The following FARP1 variants were observed in gnomAD, a reference collection of about 807,000 sequenced individuals.
FARP1 encodes FERM, ARHGEF and pleckstrin domain-containing protein 1.
In FARP1, 52 loss-of-function variants were observed where a neutral mutation model predicts 128.8. The observed-to-expected ratio is 0.40, with a 90% CI of 0.32 to 0.51. FARP1 has a LOEUF of 0.51. Ranked by LOEUF, FARP1 falls within the 20% of genes least tolerant of loss-of-function variation. FARP1 has a pLI of 0.45. For missense variants in FARP1, 1,333 were observed against 1,367.9 expected, an observed-to-expected ratio of 0.97 and a Z score of 0.40; for synonymous variants, 580 against 551.8, an observed-to-expected ratio of 1.05 and a Z score of -0.72.
intron 1 of FARP1, among the ~76,000 whole-genome samples, chr13:98,162,086 CTCTT>C (rs1233371853): frequency 6.6e-6 from 1 of 152,154 alleles, no homozygotes. Context: ...CTCTTCCTGT[CTCTT>C]TCTTTTATCA....
chr13:98,420,976 A>G (rs138301576), intron 16 of FARP1, among the ~76,000 whole-genome samples: 3 of 152,338 alleles, frequency 2.0e-5, no homozygotes, highest in Non-Finnish European at 4.4e-5. Flanking sequence ...TTTGGACCCA[A>G]GCAGGGCTGG....
intron 2 of FARP1, among the ~76,000 whole-genome samples, chr13:98,323,241 C>CA (rs1887079942): frequency 2.0e-5 from 3 of 152,124 alleles, no homozygotes; most frequent in African/African-American, 7.2e-5. Context: ...TTGTCATGCA[C>CA]ATATTTTATA....
intron 24 of FARP1, among the ~76,000 whole-genome samples, chr13:98,443,802 ACAGCAGGGAAGTTGTT>A (rs142735898): frequency 0.15 from 2,488 of 16,930 alleles, 57 homozygotes; most frequent in Middle Eastern, 0.21. Context: ...GCGAGACGGG[ACAGCAGGGAAGTTGTT>A]CAGCAGACAG....
Position 98,448,500 on chromosome 13 carries a change from G to C in FARP1, c.*183G>C, listed in dbSNP as rs898370983. 3.4e-6 allele frequency: 2 copies of C among 590,514 alleles called. No homozygotes were observed. The highest frequency in any genetic ancestry group is 6.1e-6 in the Non-Finnish European group (2 of 329,942). The allele number at this position is 590,514 out of a possible 1,614,324, so 36.6% of individuals were successfully genotyped here. ...ACCTCTCAGCGTCTGAATGAACAGC[G>C]CTCCCACCTCCAGTCCTGGCATCCG... On this transcript the variant is annotated 3_prime_UTR_variant, in exon 27 of 27. Coordinates refer to ENST00000319562, the MANE Select transcript of FARP1 (RefSeq NM_005766.4).
intron 16 of FARP1, among the ~76,000 whole-genome samples, chr13:98,417,278 G>C (rs980240132): frequency 6.6e-6 from 1 of 152,030 alleles, no homozygotes. Flanking sequence ...GCAGAAAGGT[G>C]TAGGTTTGGA....
chr13:98,278,388 G>A (rs532578038), intron 2 of FARP1, among the ~76,000 whole-genome samples: 5 of 152,054 alleles, frequency 3.3e-5, no homozygotes, highest in African/African-American at 7.2e-5. Flanking sequence ...TTGTGTGCAC[G>A]TTGCATATGT....
rs1043140332 is a variant in FARP1 at position 98,448,877 on chromosome 13, A to G, written c.*560A>G. 4 of 152,264 alleles carry G rather than the reference A, an allele frequency of 2.6e-5. No homozygotes were observed. The highest frequency in any genetic ancestry group is 5.9e-5 in the Non-Finnish European group (4 of 68,170). The allele number at this position is 152,264 out of a possible 1,614,324, so 9.4% of individuals were successfully genotyped here. ...GACTCACTTCTCTGATTAATAAGCAATTTGCAGCACACAGCGTTCCACTGC... is the reference window on the plus strand; with the variant it reads ...GACTCACTTCTCTGATTAATAAGCAGTTTGCAGCACACAGCGTTCCACTGC... On this transcript the variant is annotated 3_prime_UTR_variant, in exon 27 of 27. Coordinates refer to ENST00000319562, the MANE Select transcript of FARP1 (RefSeq NM_005766.4).
At chr13:98,343,721 G>C (rs369244611) in intron 2 of FARP1, 41 bp from the exon 3 acceptor site, 18 of 1,381,466 alleles carry the variant, frequency 1.3e-5, no homozygotes, top group Non-Finnish European at 1.2e-5. Flanking sequence ...GTTTTCATCC[G>C]TGCCTGCCTC....
chr13:98,394,428 G>A (rs1023800641), intron 12 of FARP1, among the ~76,000 whole-genome samples: 3 of 152,196 alleles, frequency 2.0e-5, no homozygotes, highest in African/African-American at 7.2e-5. Flanking sequence ...TGCCTTCAGG[G>A]GTCCCTGATG....
At chr13:98,398,425 T>C (rs998063423) in intron 13 of FARP1, 2 of 152,244 alleles carry the variant, frequency 1.3e-5, no homozygotes, top group African/African-American at 4.8e-5. Context: ...TAAGTGACTT[T>C]GCATAACTAA....
chr13:98,232,873 C>A (rs1318798712), intron 2 of FARP1, among the ~76,000 whole-genome samples: 1 of 152,176 alleles, frequency 6.6e-6, no homozygotes, highest in Non-Finnish European at 1.5e-5. Flanking sequence ...AAATCAATCT[C>A]TAATGGTTTC....
chr13:98,244,572 C>T, intron 2 of FARP1: 1 of 1,614,214 alleles, frequency 6.2e-7, no homozygotes, highest in Non-Finnish European at 8.5e-7. Context: ...GAAGCCCAAG[C>T]ACCATTCACA....
intron 1 of FARP1, among the ~76,000 whole-genome samples, chr13:98,177,485 A>G (rs1878173694): frequency 2.4e-5 from 1 of 41,640 alleles, no homozygotes; most frequent in African/African-American, 3.6e-5. Flanking sequence ...CATCCTTACT[A>G]AAAATACAAA....
intron 3 of FARP1, among the ~76,000 whole-genome samples, chr13:98,363,680 C>T (rs1055032271): frequency 1.3e-5 from 2 of 152,196 alleles, no homozygotes; most frequent in African/African-American, 4.8e-5. Context: ...CCTGCCTTGC[C>T]CTGCCATGGA....
intron 1 of FARP1, among the ~76,000 whole-genome samples, chr13:98,160,929 T>TA (rs1184930616): frequency 1.7e-4 from 26 of 152,216 alleles, no homozygotes; most frequent in African/African-American, 6.0e-4. Flanking sequence ...TCCACCCGCT[T>TA]AACCTCCCAA....
At chr13:98,143,742 C>G (rs1875266936) in intron 1 of FARP1, among the ~76,000 whole-genome samples, 1 of 151,672 alleles carries the variant, frequency 6.6e-6, no homozygotes, top group African/African-American at 2.4e-5. Context: ...CGCCCCTCTC[C>G]CCTCACCTCC....
chr13:98,404,551 C>A (rs1340691973), intron 13 of FARP1: 1 of 152,076 alleles, frequency 6.6e-6, no homozygotes, highest in Non-Finnish European at 1.5e-5. Flanking sequence ...CCTCTTAGAG[C>A]GTATGGATTT....
chr13:98,377,925 T>A lies in FARP1; in HGVS notation c.496+7T>A, dbSNP rs1266785631. 1 of 1,586,678 alleles carries A rather than the reference T, an allele frequency of 6.3e-7. No individual in the cohort carries two copies. Among genetic ancestry groups the A allele is most frequent in the African/African-American group, 1.3e-5 (1 of 74,328 alleles). On this transcript the variant is annotated splice_region_variant and intron_variant, in intron 6 of 26. Transcript: ENST00000319562. The stretch of plus-strand genomic sequence containing the variant: ...ATTTCACACATTGTGCAATGTAAGT[T>A]CTATTGGTTTCCTTTGAAAATCATG...
At chr13:98,349,419 C>T (rs1194985085) in intron 3 of FARP1, among the ~76,000 whole-genome samples, 1 of 152,090 alleles carries the variant, frequency 6.6e-6, no homozygotes, top group East Asian at 1.9e-4. Context: ...TGCCTGTAAT[C>T]CCAGCACTTT....
Sources: gnomAD v4.1 joint callset for allele counts (sites outside exome capture counted in the v4.1 genomes callset) on GRCh38, gnomAD v4.1.1 for gene constraint, MANE v1.5 for transcripts, NCBI Gene and HGNC (gene_info 2026-07-23, HGNC 2026-07-21) for gene names.